Variants in GPRIN1 observed in about 807,000 individuals in gnomAD.
GPRIN1 encodes the protein G protein-regulated inducer of neurite outgrowth 1.
In GPRIN1, 4 loss-of-function variants were observed where a neutral mutation model predicts 2.8. That is an observed-to-expected ratio of 1.45 (90% CI 0.71 to 3.32). GPRIN1 has a LOEUF of 3.32. GPRIN1 is among the 30% of genes most tolerant of loss of function. The probability of loss-of-function intolerance (pLI) is 0.01; values close to 1 mark genes in which losing one functional copy is unlikely to be tolerated. For synonymous variants in GPRIN1, 589 were observed against 589.9 expected (o/e 1.00, Z 0.02); for missense variants, 1,322 against 1,343.4 (o/e 0.98, Z 0.25).
intron 1 of GPRIN1, among the ~76,000 whole-genome samples, chr5:176,606,157 C>T (rs377636758): frequency 6.6e-6 from 1 of 152,156 alleles, no homozygotes; most frequent in African/African-American, 2.4e-5. Flanking sequence ...TCCTTGGGGA[C>T]CCTGAAGAAC....
intron 1 of GPRIN1, among the ~76,000 whole-genome samples, chr5:176,604,326 A>G (rs575802983): frequency 2.1e-3 from 323 of 152,298 alleles, no homozygotes; most frequent in Non-Finnish European, 3.2e-3. Context: ...AGGAGGCAGC[A>G]AATCACATGA....
rs1239828796 is a variant in GPRIN1, at chr5:176,602,697, G to T, written c.-43-2820C>A. 6.6e-6 allele frequency among the ~76,000 whole-genome samples: 1 copy of T among 152,158 alleles called. No homozygotes were observed. The highest frequency in any genetic ancestry group is 2.4e-5 in the African/African-American group (1 of 41,444). ...GCATGGTCCTAAAGATAGACCTGGG[G>T]TCCTGAAGATGGTCCTGGGGTACAC... On this transcript the variant is annotated intron_variant, in intron 1 of 1. Transcript: ENST00000303991. This position sits in a 1 kb window ranked among gnomAD's most constrained non-coding sequence, Gnocchi z 4.4.
intron 1 of GPRIN1, among the ~76,000 whole-genome samples, chr5:176,606,975 G>A (rs1759230660): frequency 6.6e-6 from 1 of 152,226 alleles, no homozygotes. Flanking sequence ...AAAGTCCAGG[G>A]TAGGGACAGA....
intron 1 of GPRIN1, among the ~76,000 whole-genome samples, chr5:176,607,851 C>A (rs1759244872): frequency 6.7e-6 from 1 of 150,102 alleles, no homozygotes. Context: ...CCAGTTGTGC[C>A]CAAGCACAAA....
In GPRIN1 at chr5:176,597,359, C is replaced by T. The variant is rs1759057538; in HGVS notation, c.2476G>A (p.Val826Met). 3.2e-6 allele frequency: 4 copies of T among 1,263,242 alleles called. No homozygotes were observed. The highest frequency in any genetic ancestry group is 5.9e-5 in the South Asian group (2 of 33,690). 78.3% of individuals were successfully genotyped at this position (1,263,242 alleles called of 1,614,324 possible). The stretch of plus-strand genomic sequence containing the variant: ...CCGTCCTGCGGAGACATGGGGCTCA[C>T]GGCCACTGAGACGCAGGCCTGCGCG... ...AGAQACVSVAVSPMSPQDGAG... is the reference protein window; with the variant it reads ...AGAQACVSVAMSPMSPQDGAG... The change falls in exon 2 of 2, where the codon GTG becomes ATG. Residue 826 changes from valine to methionine, a missense_variant. By Grantham distance (21) the Val-to-Met change is conservative (BLOSUM62 1). Transcript: ENST00000303991. This position sits in a 1 kb window ranked among gnomAD's most constrained non-coding sequence, Gnocchi z 6.1.
chr5:176,596,724 G>A lies in GPRIN1; in HGVS notation c.*84C>T, dbSNP rs1360562651. 1.7e-6 allele frequency: 2 copies of A among 1,182,778 alleles called. No individual in the cohort carries two copies. Among genetic ancestry groups the A allele is most frequent in the South Asian group, 2.5e-5 (1 of 40,794 alleles). 73.3% of individuals were successfully genotyped at this position (1,182,778 alleles called of 1,614,324 possible). ...ACAACCCCTCGGAGGCCTGTGGCAC[G>A]CAGAGGGGACCCCTTCTAGGGGCCT... is the stretch of plus-strand genomic sequence containing the variant. On this transcript the variant is annotated 3_prime_UTR_variant, in exon 2 of 2. Transcript: ENST00000303991. This position sits in a 1 kb window ranked among gnomAD's most constrained non-coding sequence, Gnocchi z 5.2.
intron 1 of GPRIN1, among the ~76,000 whole-genome samples, chr5:176,607,267 C>A (rs1759234356): frequency 6.6e-6 from 1 of 152,174 alleles, no homozygotes; most frequent in Non-Finnish European, 1.5e-5. Flanking sequence ...GAGAGGCAGC[C>A]CAGGCCTGAG....
Position 176,597,036 on chromosome 5 carries a change from C to T in GPRIN1, c.2799G>A (p.Val933=). The change falls in exon 2 of 2, where the codon GTG becomes GTA. Residue 933 remains valine, a synonymous_variant. Coordinates refer to ENST00000303991, the MANE Select transcript of GPRIN1 (RefSeq NM_052899.3). This position sits in a 1 kb window ranked among gnomAD's most constrained non-coding sequence, Gnocchi z 6.1. The stretch of plus-strand genomic sequence containing the variant: ...GATGCTTCTGGATGGCCATGCCCAG[C>T]ACCTCCACCTCCATGGCGGCGCCGT... The part of the protein sequence containing the change: ...EVYGAAMEVE[V]LGMAIQKHLE... 6.7e-7 allele frequency: 1 copy of T among 1,501,196 alleles called. No homozygotes were observed. The highest frequency in any genetic ancestry group is 8.9e-7 in the Non-Finnish European group (1 of 1,122,164). The allele number at this position is 1,501,196 out of a possible 1,614,324, so 93.0% of individuals were successfully genotyped here. A position where few individuals can be genotyped will look rare whatever the true frequency, so the allele number is the denominator to read the frequency against.
In GPRIN1 at chr5:176,597,971, C is replaced by T; in HGVS notation, c.1864G>A (p.Ala622Thr). ...EKGSPVTTTK[A>T]DPRASGKAQP... ...GCTTTCCCCGAGGCCCTGGGATCCG[C>T]CTTTGTGGTGGTAACAGGACTCCCC... is the stretch of plus-strand genomic sequence containing the variant. The change falls in exon 2 of 2, where the codon GCG becomes ACG. Residue 622 changes from alanine (A) to threonine (T), a missense_variant. This residue lies in a region of GPRIN1 where 1,117 missense variants were observed against 1,128.6 expected (regional missense o/e 0.99). Transcript: ENST00000303991. This position sits in a 1 kb window ranked among gnomAD's most constrained non-coding sequence, Gnocchi z 6.1. The T allele has an allele frequency of 1.2e-6, 2 of 1,614,028 alleles. No homozygotes were observed. Among genetic ancestry groups the T allele is most frequent in the Non-Finnish European group, 1.7e-6 (2 of 1,180,020 alleles).
intron 1 of GPRIN1, among the ~76,000 whole-genome samples, chr5:176,606,444 T>C (rs983256323): frequency 2.6e-5 from 4 of 152,218 alleles, no homozygotes; most frequent in Admixed American, 6.5e-5. Context: ...CCGATCAACT[T>C]CTAAACATTA....
Position 176,597,541 on chromosome 5 carries a change from T to G in GPRIN1, c.2294A>C (p.Gln765Pro). 6.5e-7 allele frequency: 1 copy of G among 1,534,292 alleles called. No individual in the cohort carries two copies. ...VSSTEASSLG[Q>P]KDLEAAGAER... ...GGCCCCAGCGGCTTCCAGGTCTTTC[T>G]GGCCGAGACTGGAGGCCTCGGTGCT... The change falls in exon 2 of 2, where the codon CAG (glutamine) becomes CCG (proline). Residue 765 changes from glutamine to proline, a missense_variant. Around this residue, in one of 3 missense-constraint regions of GPRIN1, gnomAD observed 1,117 missense variants for 1,128.6 expected, o/e 0.99. Transcript: ENST00000303991. This position sits in a 1 kb window ranked among gnomAD's most constrained non-coding sequence, Gnocchi z 6.1.
At chr5:176,609,882 G>T (rs1160982351) in intron 1 of GPRIN1, 117 bp downstream of exon 1, 1 of 150,902 alleles carries the variant, frequency 6.6e-6, no homozygotes, top group Non-Finnish European at 1.5e-5. Context: ...AGGTGTCCGA[G>T]CCCCGCCGCC....
Position 176,598,330 on chromosome 5 carries a change from G to C in GPRIN1, c.1505C>G (p.Thr502Arg), listed in dbSNP as rs1248107706. The C allele has an allele frequency of 3.1e-6, 5 of 1,613,590 alleles. No individual in the cohort carries two copies. Among genetic ancestry groups the C allele is most frequent in the Non-Finnish European group, 4.2e-6 (5 of 1,179,726 alleles). ...CTTTACTGCAGATGGGGGACCTGCTGTCCCCAAGGACCTGGGATCGCCTGG... is the reference window on the plus strand; with the variant it reads ...CTTTACTGCAGATGGGGGACCTGCTCTCCCCAAGGACCTGGGATCGCCTGG... ...SGPGDPRSLGTAGPPSAVKAE... is the reference protein window; with the variant it reads ...SGPGDPRSLGRAGPPSAVKAE... Residue 502 changes from threonine to arginine, a missense_variant, in exon 2 of 2, where the codon ACA becomes AGA. Thr to Arg is a moderately conservative substitution (Grantham distance 71, BLOSUM62 -1). Around this residue, in one of 3 missense-constraint regions of GPRIN1, gnomAD observed 1,117 missense variants for 1,128.6 expected, o/e 0.99. Coordinates refer to ENST00000303991, the MANE Select transcript of GPRIN1 (RefSeq NM_052899.3).
In GPRIN1 at chr5:176,597,334, C is replaced by A; in HGVS notation, c.2501G>T (p.Gly834Val). ...GAAGCTGAAGGCCGAGCCCCCAGCG[C>A]CGTCCTGCGGAGACATGGGGCTCAC... is the stretch of plus-strand genomic sequence containing the variant. Reference protein sequence around the residue: ...VAVSPMSPQDGAGGSAFSFQA... With the variant: ...VAVSPMSPQDVAGGSAFSFQA... The change falls in exon 2 of 2, where the codon GGC (glycine) becomes GTC (valine). Residue 834 changes from glycine (G) to valine (V), a missense_variant. Transcript: ENST00000303991. This position sits in a 1 kb window ranked among gnomAD's most constrained non-coding sequence, Gnocchi z 6.1. 1 of 1,243,938 alleles carries A rather than the reference C, an allele frequency of 8.0e-7. No homozygotes were observed. Among genetic ancestry groups the A allele is most frequent in the South Asian group, 3.4e-5 (1 of 29,382 alleles). 77.1% of individuals were successfully genotyped at this position (1,243,938 alleles called of 1,614,324 possible).
rs747047528 is a variant in GPRIN1 at position 176,596,545 on chromosome 5, G to A, written c.*263C>T. Reference sequence around the variant, plus strand: ...CCCCCGTGGTCGCCCAGTGTGACCGGGAGTAGAGCTGAGGGCTGTGAGGGG... The same window carrying A: ...CCCCCGTGGTCGCCCAGTGTGACCGAGAGTAGAGCTGAGGGCTGTGAGGGG... On this transcript the variant is annotated 3_prime_UTR_variant, in exon 2 of 2. Transcript: ENST00000303991. This position sits in a 1 kb window ranked among gnomAD's most constrained non-coding sequence, Gnocchi z 5.2. 8.1e-5 allele frequency: 19 copies of A among 233,690 alleles called. No homozygotes were observed. Among genetic ancestry groups the A allele is most frequent in the Non-Finnish European group, 1.4e-4 (17 of 121,450 alleles). 14.5% of individuals were successfully genotyped at this position (233,690 alleles called of 1,614,324 possible).
chr5:176,602,591 A>C lies in GPRIN1; in HGVS notation c.-43-2714T>G, dbSNP rs965928004. Among the ~76,000 whole-genome samples, 2 of 152,182 alleles carry C rather than the reference A, an allele frequency of 1.3e-5. No homozygotes were observed. Among genetic ancestry groups the C allele is most frequent in the Non-Finnish European group, 2.9e-5 (2 of 68,032 alleles). Reference sequence around the variant, plus strand: ...CTTGCCGGAAATGTAAATTAGTTGTAATCTTTTTAGAAGGACATTTATCAA... The same window carrying C: ...CTTGCCGGAAATGTAAATTAGTTGTCATCTTTTTAGAAGGACATTTATCAA... On this transcript the variant is annotated intron_variant, in intron 1 of 1. Transcript: ENST00000303991. This position sits in a 1 kb window ranked among gnomAD's most constrained non-coding sequence, Gnocchi z 4.4.
chr5:176,599,727 C>G lies in GPRIN1; in HGVS notation c.108G>C (p.Gly36=). ...AFFCPQDGSL[G]AGSSAMRDYC... is the part of the protein sequence containing the mutation. ...AATCCCTCATAGCCGAGCTGCCAGC[C>G]CCCAGGCTCCCATCCTGTGGGCAGA... The change falls in exon 2 of 2, where the codon GGG becomes GGC. Residue 36 remains glycine, a synonymous_variant. Coordinates refer to ENST00000303991, the MANE Select transcript of GPRIN1 (RefSeq NM_052899.3). 1 of 1,556,376 alleles carries G rather than the reference C, an allele frequency of 6.4e-7. No homozygotes were observed. The highest frequency in any genetic ancestry group is 1.2e-5 in the South Asian group (1 of 83,648).
rs1759122250 is a variant in GPRIN1 at position 176,599,858 on chromosome 5, C to A, written c.-24G>T. 2 of 1,412,774 alleles carry A rather than the reference C, an allele frequency of 1.4e-6. No homozygotes were observed. The allele number at this position is 1,412,774 out of a possible 1,614,324, so 87.5% of individuals were successfully genotyped here. A position where few individuals can be genotyped will look rare whatever the true frequency, so the allele number is the denominator to read the frequency against. On this transcript the variant is annotated 5_prime_UTR_variant, in exon 2 of 2. Coordinates refer to ENST00000303991, the MANE Select transcript of GPRIN1 (RefSeq NM_052899.3). ...ATCTGCCCTCATGACCACGCCTGCACCCAAGGCTGCTGTCTGGTTCTGAAA... is the reference window on the plus strand; with the variant it reads ...ATCTGCCCTCATGACCACGCCTGCAACCAAGGCTGCTGTCTGGTTCTGAAA...
chr5:176,597,869 C>A lies in GPRIN1; in HGVS notation c.1966G>T (p.Ala656Ser), dbSNP rs761473745. ...EGAAAPGEAG[A>S]VCLKKETPQA... ...GGTGTCTCCTTTTTCAAACACACAG[C>A]CCCTGCTTCCCCTGGTGCTGCAGCG... The change falls in exon 2 of 2, where the codon GCT (alanine) becomes TCT (serine). Residue 656 changes from alanine to serine, a missense_variant. By Grantham distance (99) the Ala-to-Ser change is moderately conservative (BLOSUM62 1). Around this residue, in one of 3 missense-constraint regions of GPRIN1, gnomAD observed 1,117 missense variants for 1,128.6 expected, o/e 0.99. Coordinates refer to ENST00000303991, the MANE Select transcript of GPRIN1 (RefSeq NM_052899.3). This position sits in a 1 kb window ranked among gnomAD's most constrained non-coding sequence, Gnocchi z 6.1. 3 of 1,613,540 alleles carry A rather than the reference C, an allele frequency of 1.9e-6. No individual in the cohort carries two copies. The highest frequency in any genetic ancestry group is 1.3e-5 in the African/African-American group (1 of 74,902).
Sources: gnomAD v4.1 joint callset for allele counts (sites outside exome capture counted in the v4.1 genomes callset) on GRCh38, gnomAD v4.1.1 for gene constraint, gnomAD v4.1.1 regional missense constraint, Gnocchi (gnomAD v3.1) non-coding constraint, MANE v1.5 for transcripts, NCBI Gene and HGNC (gene_info 2026-07-23, HGNC 2026-07-21) for gene names.